The following SLFN12L variants were observed in gnomAD, a reference collection of about 807,000 sequenced individuals.
SLFN12L encodes schlafen family member 12 like, also known as schlafen family member 12-like.
A neutral mutation model predicts 34.8 loss-of-function variants in SLFN12L; 34 were observed. That is an observed-to-expected ratio of 0.98 (90% CI 0.74 to 1.30). SLFN12L has a LOEUF of 1.30. Ranked by LOEUF, SLFN12L falls within the 50% of genes most tolerant of loss-of-function variation. SLFN12L has a pLI of 0.00. For synonymous variants in SLFN12L, 259 were observed against 247.5 expected, an observed-to-expected ratio of 1.05 and a Z score of -0.44; for missense variants, 703 against 696.2, an observed-to-expected ratio of 1.01 and a Z score of -0.11.
In SLFN12L at chr17:35,469,919, A is replaced by C. The variant is rs1233924410; in HGVS notation, c.*5004T>G. On this transcript the variant is annotated 3_prime_UTR_variant, in exon 5 of 5. Transcript: ENST00000628453. ...CTGGACCTTTCCCACAGAAACCCTAATAATAAAGGTTCCGAATTAGATTTT... is the reference window on the plus strand; with the variant it reads ...CTGGACCTTTCCCACAGAAACCCTACTAATAAAGGTTCCGAATTAGATTTT... 1 of 152,228 alleles carries C rather than the reference A, an allele frequency of 6.6e-6. No homozygotes were observed. The highest frequency in any genetic ancestry group is 1.5e-5 in the Non-Finnish European group (1 of 68,060). The allele number at this position is 152,228 out of a possible 1,614,324, so 9.4% of individuals were successfully genotyped here.
intron 2 of SLFN12L, among the ~76,000 whole-genome samples, chr17:35,517,376 C>T (rs1013177207): frequency 6.6e-6 from 1 of 152,162 alleles, no homozygotes; most frequent in Non-Finnish European, 1.5e-5. Context: ...GAACTACAAA[C>T]CACTGCTTAA....
At chr17:35,487,841 C>G (rs996716804) in intron 2 of SLFN12L, 13 of 1,308,572 alleles carry the variant, frequency 9.9e-6, no homozygotes, top group African/African-American at 5.9e-5. Context: ...GCATTTCTAT[C>G]GGGCACTCGA....
Position 35,465,516 on chromosome 17 carries a change from A to G in SLFN12L, c.*9407T>C, listed in dbSNP as rs1913707798. On this transcript the variant is annotated 3_prime_UTR_variant, in exon 5 of 5. Transcript: ENST00000628453. ...AAAATAGGATTATATAAATCCCATT[A>G]AAATAGTTAATATGGTTCAATGTAA... is the stretch of plus-strand genomic sequence containing the variant. 1.3e-5 allele frequency among the ~76,000 whole-genome samples: 2 copies of G among 152,102 alleles called. No homozygotes were observed. Among genetic ancestry groups the G allele is most frequent in the South Asian group, 2.1e-4 (1 of 4,832 alleles).
chr17:35,522,079 C>T (rs1916013492), intron 2 of SLFN12L, among the ~76,000 whole-genome samples, 200 bp downstream of exon 2: 1 of 152,040 alleles, frequency 6.6e-6, no homozygotes, highest in African/African-American at 2.4e-5. Context: ...TGTAACAAAC[C>T]TGCACGTTGT....
At position 35,473,863 on chromosome 17, in the gene SLFN12L, C is replaced by A. The variant is rs940714414; in HGVS notation, c.*1060G>T. ...GTTCAGGGATTTGACTTCTCCCTGG[C>A]TCAGTCTTGGGAGGTTGCATGTGTT... On this transcript the variant is annotated 3_prime_UTR_variant, in exon 5 of 5. Coordinates refer to ENST00000628453, the MANE Select transcript of SLFN12L (RefSeq NM_001363830.2). The A allele has an allele frequency of 9.2e-5, 14 of 152,162 alleles. No homozygotes were observed. The highest frequency in any genetic ancestry group is 3.1e-4 in the African/African-American group (13 of 41,430). The allele number at this position is 152,162 out of a possible 1,614,324, so 9.4% of individuals were successfully genotyped here. A position where few individuals can be genotyped will look rare whatever the true frequency, so the allele number is the denominator to read the frequency against.
At chr17:35,480,978 T>C (rs1914312239) in intron 2 of SLFN12L, among the ~76,000 whole-genome samples, 1 of 152,184 alleles carries the variant, frequency 6.6e-6, no homozygotes. Flanking sequence ...GTGGTATTAT[T>C]ATTCCAATAT....
rs930794429 is a variant in SLFN12L at position 35,468,007 on chromosome 17, T to G, written c.*6916A>C. Among the ~76,000 whole-genome samples the G allele has an allele frequency of 6.6e-6, 1 of 152,190 alleles. No individual in the cohort carries two copies. The highest frequency in any genetic ancestry group is 2.4e-5 in the African/African-American group (1 of 41,446). On this transcript the variant is annotated 3_prime_UTR_variant, in exon 5 of 5. Coordinates refer to ENST00000628453, the MANE Select transcript of SLFN12L (RefSeq NM_001363830.2). ...TCACTCCCCACTCTACTTCCTGGGTTCAGACAATCCTCTCACCTCAGCCTC... is the reference window on the plus strand; with the variant it reads ...TCACTCCCCACTCTACTTCCTGGGTGCAGACAATCCTCTCACCTCAGCCTC...
intron 2 of SLFN12L, chr17:35,487,908 G>A: frequency 2.6e-6 from 2 of 760,254 alleles, no homozygotes; most frequent in East Asian, 2.7e-5. Flanking sequence ...CTTTGGAAAC[G>A]GTGTGTCTGC....
At chr17:35,477,928 A>T in intron 4 of SLFN12L, 147 bp downstream of exon 4, 1 of 564,088 alleles carries the variant, frequency 1.8e-6, no homozygotes, top group Non-Finnish European at 3.1e-6. Context: ...ATAGAATTTG[A>T]CAAATTCAAT....
At chr17:35,497,320 G>A (rs1053811235) in intron 2 of SLFN12L, among the ~76,000 whole-genome samples, 6 of 152,112 alleles carry the variant, frequency 3.9e-5, no homozygotes, top group Non-Finnish European at 7.4e-5. Flanking sequence ...GAACCCGGGA[G>A]GCGGAGGTTG....
intron 2 of SLFN12L, chr17:35,487,848 T>C: frequency 8.1e-7 from 1 of 1,231,540 alleles, no homozygotes; most frequent in Non-Finnish European, 1.2e-6. Context: ...TATCGGGCAC[T>C]CGACTCCCCG....
intron 2 of SLFN12L, among the ~76,000 whole-genome samples, chr17:35,494,518 C>A (rs1426907330): frequency 1.3e-5 from 2 of 152,184 alleles, no homozygotes; most frequent in Admixed American, 1.3e-4. Context: ...ACTTTCACTC[C>A]CATTGCAGCT....
chr17:35,530,101 T>C (rs983428188), intron 1 of SLFN12L, among the ~76,000 whole-genome samples: 1 of 143,410 alleles, frequency 7.0e-6, no homozygotes, highest in African/African-American at 2.5e-5. Flanking sequence ...GCTAGCCTCC[T>C]GGGTGACTGC....
intron 1 of SLFN12L, among the ~76,000 whole-genome samples, chr17:35,524,209 T>C (rs2072310001): frequency 6.6e-6 from 1 of 152,186 alleles, no homozygotes; most frequent in Non-Finnish European, 1.5e-5. Flanking sequence ...ATCTAGATTT[T>C]AGAGATGTTA....
At position 35,473,170 on chromosome 17, in the gene SLFN12L, G is replaced by A. The variant is rs565724130; in HGVS notation, c.*1753C>T. ...TTTCTCTTGCCTGATTGCCCTGGCC[G>A]GAACTTCCAATACTATGTTGAATAG... On this transcript the variant is annotated 3_prime_UTR_variant, in exon 5 of 5. Transcript: ENST00000628453. 1.0e-3 allele frequency among the ~76,000 whole-genome samples: 158 copies of A among 152,180 alleles called. 1 individual carries two copies. Among genetic ancestry groups the A allele is most frequent in the African/African-American group, 3.2e-3 (131 of 41,540 alleles).
At chr17:35,494,953 T>C (rs1914992724) in intron 2 of SLFN12L, among the ~76,000 whole-genome samples, 1 of 151,992 alleles carries the variant, frequency 6.6e-6, no homozygotes, top group Admixed American at 6.6e-5. Flanking sequence ...TCACCCAGGC[T>C]GGAGTGCAGT....
intron 2 of SLFN12L, among the ~76,000 whole-genome samples, chr17:35,503,651 C>T (rs1480354120): frequency 1.3e-5 from 2 of 152,206 alleles, no homozygotes; most frequent in Non-Finnish European, 2.9e-5. Flanking sequence ...GATGTCCCCA[C>T]ATTTAAAACA....
intron 2 of SLFN12L, among the ~76,000 whole-genome samples, chr17:35,495,727 C>T (rs1275439810): frequency 6.6e-6 from 1 of 151,318 alleles, no homozygotes; most frequent in Non-Finnish European, 1.5e-5. Context: ...GATTGGTGCC[C>T]ACTCGACCCT....
intron 1 of SLFN12L, among the ~76,000 whole-genome samples, chr17:35,526,579 G>A (rs2072337292): frequency 1.3e-5 from 2 of 152,144 alleles, no homozygotes; most frequent in Admixed American, 1.3e-4. Context: ...TAACTACATG[G>A]AAACTGAACA....
Sources: allele counts gnomAD v4.1 joint callset (sites outside exome capture counted in the v4.1 genomes callset), GRCh38; gene constraint gnomAD v4.1.1; transcripts MANE v1.5; gene names NCBI Gene and HGNC (gene_info 2026-07-23, HGNC 2026-07-21).